CTTNBP2NL: variants seen among roughly 807,000 people sequenced by gnomAD.
The protein encoded by CTTNBP2NL is CTTNBP2 N-terminal like.
A neutral mutation model predicts 32.5 loss-of-function variants in CTTNBP2NL; 16 were observed. That is an observed-to-expected ratio of 0.49 (90% CI 0.33 to 0.75). The LOEUF (loss-of-function observed/expected upper bound fraction) is 0.75, where lower values mean the gene tolerates loss of function less well. Among genes scored for constraint, CTTNBP2NL ranks in the 30% least tolerant of loss-of-function variants. The pLI is 0.02. For missense variants in CTTNBP2NL, 645 were observed against 756.0 expected, an observed-to-expected ratio of 0.85 and a Z score of 1.72; for synonymous variants, 298 against 289.4, an observed-to-expected ratio of 1.03 and a Z score of -0.30.
chr1:112,400,704 A>T (rs1648471156), intron 1 of CTTNBP2NL, among the ~76,000 whole-genome samples: 1 of 152,194 alleles, frequency 6.6e-6, no homozygotes, highest in South Asian at 2.1e-4. Context: ...AGGCAGGAGA[A>T]TGGCTTTAAC....
At chr1:112,398,027 C>T (rs1648382226) in intron 1 of CTTNBP2NL, among the ~76,000 whole-genome samples, 2 of 152,132 alleles carry the variant, frequency 1.3e-5, no homozygotes. Context: ...CTCTAGCAAA[C>T]GCAATGTGTG....
chr1:112,434,584 A>T (rs886881850), intron 3 of CTTNBP2NL, among the ~76,000 whole-genome samples: 5 of 152,200 alleles, frequency 3.3e-5, no homozygotes, highest in African/African-American at 9.6e-5. Context: ...AACCATCATT[A>T]GTATCAAGTT....
At chr1:112,410,829 G>C (rs536054511) in intron 1 of CTTNBP2NL, among the ~76,000 whole-genome samples, 1 of 152,110 alleles carries the variant, frequency 6.6e-6, no homozygotes, top group African/African-American at 2.4e-5. Context: ...AAGGTAATTC[G>C]GGTCTTGGAA....
At position 112,456,966 on chromosome 1, in the gene CTTNBP2NL, A is replaced by G; in HGVS notation, c.1474A>G (p.Ile492Val). 1 of 1,614,042 alleles carries G rather than the reference A, an allele frequency of 6.2e-7. No homozygotes were observed. The change falls in exon 6 of 6, where the codon ATA becomes GTA. Residue 492 changes from isoleucine to valine, a missense_variant. Ile to Val is a conservative substitution (Grantham distance 29). Coordinates refer to ENST00000271277, the MANE Select transcript of CTTNBP2NL (RefSeq NM_018704.3). ...ATCCAGGGATTTATCCCCCACCCTC[A>G]TAGACAACTCTGCCGCCAAGCAGCT... ...PPSRDLSPTLIDNSAAKQLAR... is the reference protein window; with the variant it reads ...PPSRDLSPTLVDNSAAKQLAR...
In CTTNBP2NL at chr1:112,447,296, A is replaced by G. The variant is rs912853640; in HGVS notation, c.100-1646A>G. On this transcript the variant is annotated intron_variant, in intron 3 of 5. Coordinates refer to ENST00000271277, the MANE Select transcript of CTTNBP2NL (RefSeq NM_018704.3). Reference sequence around the variant, plus strand: ...CTAAAAAAAAAAAAAAAAAAAAAAAAAGTAGAGTTTCATCTTAGACTCTGT... The same window carrying G: ...CTAAAAAAAAAAAAAAAAAAAAAAAGAGTAGAGTTTCATCTTAGACTCTGT... Among the ~76,000 whole-genome samples the G allele has an allele frequency of 5.7e-3, 854 of 150,124 alleles. 8 individuals are homozygous for G. Among genetic ancestry groups the G allele is most frequent in the African/African-American group, 0.02 (802 of 40,674 alleles).
chr1:112,448,293 C>T (rs1171480631), intron 3 of CTTNBP2NL, among the ~76,000 whole-genome samples: 1 of 152,196 alleles, frequency 6.6e-6, no homozygotes, highest in Admixed American at 6.5e-5. Flanking sequence ...CTCCATCCTC[C>T]TTGACCCATC....
At chr1:112,436,032 C>A (rs1649716321) in intron 3 of CTTNBP2NL, among the ~76,000 whole-genome samples, 1 of 150,216 alleles carries the variant, frequency 6.7e-6, no homozygotes, top group African/African-American at 2.4e-5. Context: ...GACTGATCCT[C>A]CATTTCTCCT....
chr1:112,404,142 G>A (rs928479869), intron 1 of CTTNBP2NL, among the ~76,000 whole-genome samples: 1 of 152,190 alleles, frequency 6.6e-6, no homozygotes, highest in Non-Finnish European at 1.5e-5. Context: ...TGCAAACTCA[G>A]CTCTGTCAGA....
upstream of CTTNBP2NL, among the ~76,000 whole-genome samples, chr1:112,391,550 A>G (rs948917375): frequency 1.3e-5 from 2 of 152,142 alleles, no homozygotes; most frequent in African/African-American, 4.8e-5. Flanking sequence ...TCGCTTGGAT[A>G]CTGACAACCA....
At chr1:112,398,340 T>C (rs550494296) in intron 1 of CTTNBP2NL, among the ~76,000 whole-genome samples, 1 of 152,340 alleles carries the variant, frequency 6.6e-6, no homozygotes, top group Non-Finnish European at 1.5e-5. Context: ...AAGCATAGTA[T>C]GCAGAGGATA....
At chr1:112,391,267 C>G (rs1447585275), upstream of CTTNBP2NL, among the ~76,000 whole-genome samples, 1 of 152,172 alleles carries the variant, frequency 6.6e-6, no homozygotes, top group Non-Finnish European at 1.5e-5. Flanking sequence ...CTCATCAACC[C>G]CGGGGAGAAG....
intron 2 of CTTNBP2NL, among the ~76,000 whole-genome samples, chr1:112,413,786 A>G (rs1648968361): frequency 6.6e-6 from 1 of 152,144 alleles, no homozygotes; most frequent in South Asian, 2.1e-4. Flanking sequence ...GGTGGCTCAC[A>G]CCTTTAATCT....
intron 3 of CTTNBP2NL, among the ~76,000 whole-genome samples, chr1:112,430,167 CTTT>C (rs1649517586): frequency 1.4e-5 from 2 of 143,858 alleles, no homozygotes; most frequent in African/African-American, 2.6e-5. Context: ...TAGCTCTTTT[CTTT>C]CTTTTCTTTT....
chr1:112,431,766 C>A (rs1305818337), intron 3 of CTTNBP2NL, among the ~76,000 whole-genome samples: 1 of 151,882 alleles, frequency 6.6e-6, no homozygotes, highest in Admixed American at 6.6e-5. Context: ...AAACAAATTG[C>A]AAAACAGTTT....
chr1:112,456,978 G>A lies in CTTNBP2NL; in HGVS notation c.1486G>A (p.Ala496Thr), dbSNP rs1650387395. 1 of 1,613,970 alleles carries A rather than the reference G, an allele frequency of 6.2e-7. No individual in the cohort carries two copies. The highest frequency in any genetic ancestry group is 1.3e-5 in the African/African-American group (1 of 74,972). Residue 496 changes from alanine (A) to threonine (T), a missense_variant, in exon 6 of 6, where the codon GCC becomes ACC. Coordinates refer to ENST00000271277, the MANE Select transcript of CTTNBP2NL (RefSeq NM_018704.3). Reference protein sequence around the residue: ...DLSPTLIDNSAAKQLARNTVT... With the variant: ...DLSPTLIDNSTAKQLARNTVT... Reference sequence around the variant, plus strand: ...ATCCCCCACCCTCATAGACAACTCTGCCGCCAAGCAGCTGGCCCGAAACAC... The same window carrying A: ...ATCCCCCACCCTCATAGACAACTCTACCGCCAAGCAGCTGGCCCGAAACAC...
In CTTNBP2NL at chr1:112,450,205, G is replaced by A. The variant is rs142584884; in HGVS notation, c.330+1033G>A. On this transcript the variant is annotated intron_variant, in intron 4 of 5. Coordinates refer to ENST00000271277, the MANE Select transcript of CTTNBP2NL (RefSeq NM_018704.3). ...ATTTTCTAGGCTCTGGATCTTGCCCGTGATCTTTTCTTTCCCTTCACAGAA... is the reference window on the plus strand; with the variant it reads ...ATTTTCTAGGCTCTGGATCTTGCCCATGATCTTTTCTTTCCCTTCACAGAA... 4.0e-3 allele frequency among the ~76,000 whole-genome samples: 607 copies of A among 152,268 alleles called. 6 individuals are homozygous for A. The highest frequency in any genetic ancestry group is 4.2e-3 in the Non-Finnish European group (287 of 68,020).
At chr1:112,434,205 C>T (rs1649660626) in intron 3 of CTTNBP2NL, among the ~76,000 whole-genome samples, 1 of 152,156 alleles carries the variant, frequency 6.6e-6, no homozygotes, top group South Asian at 2.1e-4. Context: ...GTTGTTAACA[C>T]CCAGATTTGT....
At chr1:112,420,185 G>A (rs2101005577) in intron 3 of CTTNBP2NL, among the ~76,000 whole-genome samples, 1 of 131,574 alleles carries the variant, frequency 7.6e-6, no homozygotes, top group East Asian at 2.7e-4. Context: ...TCGCTCTGTT[G>A]CCCAGGCTGG....
At chr1:112,402,905 G>C (rs1469568661) in intron 1 of CTTNBP2NL, among the ~76,000 whole-genome samples, 4 of 151,962 alleles carry the variant, frequency 2.6e-5, no homozygotes, top group Non-Finnish European at 4.4e-5. Flanking sequence ...TTCTCATTCA[G>C]CCTGTCTCGT....
Sources: gnomAD v4.1 joint callset for allele counts (sites outside exome capture counted in the v4.1 genomes callset) on GRCh38, gnomAD v4.1.1 for gene constraint, MANE v1.5 for transcripts, NCBI Gene and HGNC (gene_info 2026-07-23, HGNC 2026-07-21) for gene names.